CPNE4: variants seen among roughly 807,000 people sequenced by gnomAD.
CPNE4 encodes the protein copine 4.
In CPNE4, 25 loss-of-function variants were observed where a neutral mutation model predicts 67.9. That is an observed-to-expected ratio of 0.37 (90% CI 0.27 to 0.51). CPNE4 has a LOEUF of 0.51. Ranked by LOEUF, CPNE4 falls within the 20% of genes least tolerant of loss-of-function variation. CPNE4 has a pLI of 0.93. For synonymous variants in CPNE4, 242 were observed against 244.9 expected, an observed-to-expected ratio of 0.99 and a Z score of 0.11; for missense variants, 464 against 690.8, an observed-to-expected ratio of 0.67 and a Z score of 3.68.
chr3:131,848,912 T>G (rs1293117051), intron 2 of CPNE4, among the ~76,000 whole-genome samples: 3 of 145,442 alleles, frequency 2.1e-5, no homozygotes, highest in Non-Finnish European at 4.5e-5. Flanking sequence ...AGAAGGCGTT[T>G]TTTTTTCATC....
intron 2 of CPNE4, among the ~76,000 whole-genome samples, chr3:131,835,784 C>A (rs562470744): frequency 6.6e-6 from 1 of 152,196 alleles, no homozygotes; most frequent in South Asian, 2.1e-4. Context: ...TGAGGTGGCA[C>A]ATGTCAATGA....
chr3:131,945,666 C>T (rs1228009626), intron 1 of CPNE4, among the ~76,000 whole-genome samples: 1 of 152,102 alleles, frequency 6.6e-6, no homozygotes, highest in African/African-American at 2.4e-5. Context: ...CTCTTTCTAC[C>T]TACTCTGTTC....
intron 2 of CPNE4, among the ~76,000 whole-genome samples, chr3:131,797,080 G>A (rs1464450991): frequency 6.6e-6 from 1 of 152,080 alleles, no homozygotes; most frequent in Admixed American, 6.6e-5. Flanking sequence ...AGGTCACAGT[G>A]GCTTTGATAT....
intron 12 of CPNE4, among the ~76,000 whole-genome samples, chr3:131,553,319 G>A (rs969159157): frequency 2.0e-5 from 3 of 152,070 alleles, no homozygotes; most frequent in Non-Finnish European, 2.9e-5. Flanking sequence ...GAGGTGATCG[G>A]TGATGCTCTC....
At chr3:132,004,031 C>A (rs2073524685) in intron 1 of CPNE4, among the ~76,000 whole-genome samples, 3 of 152,012 alleles carry the variant, frequency 2.0e-5, no homozygotes, top group Non-Finnish European at 4.4e-5. Context: ...TGGTCTCCTC[C>A]TCTCTGAATG....
At chr3:131,938,642 G>C (rs373774582) in intron 1 of CPNE4, among the ~76,000 whole-genome samples, 1 of 151,970 alleles carries the variant, frequency 6.6e-6, no homozygotes, top group Non-Finnish European at 1.5e-5. Context: ...GAGAGAGAAG[G>C]GGGAAACTGC....
chr3:131,837,097 GAAC>G (rs1286514341), intron 2 of CPNE4, among the ~76,000 whole-genome samples: 3 of 152,140 alleles, frequency 2.0e-5, no homozygotes, highest in African/African-American at 7.2e-5. Flanking sequence ...TGAGATAGCA[GAAC>G]AACTTGATCT....
At chr3:131,889,872 G>A (rs1444953254) in intron 2 of CPNE4, among the ~76,000 whole-genome samples, 3 of 152,126 alleles carry the variant, frequency 2.0e-5, no homozygotes, top group African/African-American at 7.2e-5. Context: ...ATGGTATTGG[G>A]AAAGCCAGAT....
intron 1 of CPNE4, among the ~76,000 whole-genome samples, chr3:132,010,020 C>T (rs1361495124): frequency 4.6e-5 from 7 of 152,308 alleles, no homozygotes; most frequent in East Asian, 1.9e-4. Context: ...TTGCCTGCAG[C>T]CTCATTGCAC....
At position 131,913,154 on chromosome 3, in the gene CPNE4, C is replaced by T. The variant is rs191661440; in HGVS notation, c.-1-7710G>A. Among the ~76,000 whole-genome samples, 19 of 152,086 alleles carry T rather than the reference C, an allele frequency of 1.2e-4. No homozygotes were observed. The East Asian group carries it at 2.5e-3, about 20-fold the overall frequency. ...CCCCCACTCCATCAGGAATGTCAGG[C>T]GACCATCAGGTGATGGTCAGGCAGT... On this transcript the variant is annotated intron_variant, in intron 1 of 15. Transcript: ENST00000429747.
chr3:131,723,635 GA>G lies in CPNE4; in HGVS notation c.181-11del, dbSNP rs1429138144. On this transcript the variant is annotated splice_polypyrimidine_tract_variant and intron_variant, in intron 2 of 15. Transcript: ENST00000429747. ...CCTCAGTCCTGTCAACCTGCAAGGA[GA>G]AAGAGAAAACCTATCAGAGATAAGG... The G allele has an allele frequency of 1.9e-6, 3 of 1,606,850 alleles. No individual in the cohort carries two copies. In the Admixed American group the frequency reaches 5.0e-5, roughly 27 times the overall value.
chr3:131,583,407 T>G (rs1201712074), intron 8 of CPNE4, among the ~76,000 whole-genome samples: 1 of 152,126 alleles, frequency 6.6e-6, no homozygotes, highest in Non-Finnish European at 1.5e-5. Flanking sequence ...CCTCTAATAT[T>G]TCAGTAAAAC....
intron 15 of CPNE4, among the ~76,000 whole-genome samples, chr3:131,536,986 T>C (rs1371182373): frequency 1.3e-5 from 2 of 152,172 alleles, no homozygotes; most frequent in Non-Finnish European, 2.9e-5. Flanking sequence ...GGGAGGTTTT[T>C]TGGAAAGCTT....
At chr3:131,923,837 T>C (rs1016116930) in intron 1 of CPNE4, among the ~76,000 whole-genome samples, 1 of 150,762 alleles carries the variant, frequency 6.6e-6, no homozygotes, top group African/African-American at 2.4e-5. Flanking sequence ...AGGCCCTAAG[T>C]AAAATGACTC....
Position 131,548,571 on chromosome 3 carries a change from A to C in CPNE4, c.1302+1376T>G, listed in dbSNP as rs564108723. On this transcript the variant is annotated intron_variant, in intron 14 of 15. Coordinates refer to ENST00000429747, the MANE Select transcript of CPNE4 (RefSeq NM_130808.3). ...AGAAGAGATGTTAACACAGTCAGAG[A>C]ATGGATCATATGGAGGTTTGGGTGA... Among the ~76,000 whole-genome samples, 3 of 152,182 alleles carry C rather than the reference A, an allele frequency of 2.0e-5. No individual in the cohort carries two copies. In the South Asian group the frequency reaches 6.2e-4, roughly 32 times the overall value.
intron 3 of CPNE4, among the ~76,000 whole-genome samples, chr3:131,707,522 GC>G (rs1475359436): frequency 6.6e-6 from 1 of 152,106 alleles, no homozygotes; most frequent in Non-Finnish European, 1.5e-5. Flanking sequence ...ATTTTTGGGG[GC>G]CACTGTTTAG....
At chr3:131,542,897 C>G (rs1257731897) in intron 14 of CPNE4, 104 bp from the exon 15 acceptor site, 6 of 745,264 alleles carry the variant, frequency 8.1e-6, no homozygotes, top group Non-Finnish European at 1.4e-5. Flanking sequence ...TGCACATTGA[C>G]CAAAGCAACA....
chr3:131,697,229 T>C (rs979185767), intron 4 of CPNE4, among the ~76,000 whole-genome samples: 4 of 152,154 alleles, frequency 2.6e-5, no homozygotes, highest in Non-Finnish European at 5.9e-5. Flanking sequence ...CATTTTCCAA[T>C]ACTTAATAGT....
At chr3:131,596,031 T>C (rs1938823478) in intron 7 of CPNE4, among the ~76,000 whole-genome samples, 1 of 152,198 alleles carries the variant, frequency 6.6e-6, no homozygotes, top group Non-Finnish European at 1.5e-5. Flanking sequence ...TTTAGTCATG[T>C]TAGATGAATA....
Sources: gnomAD v4.1 joint callset for allele counts (sites outside exome capture counted in the v4.1 genomes callset) on GRCh38, gnomAD v4.1.1 for gene constraint, MANE v1.5 for transcripts, NCBI Gene and HGNC (gene_info 2026-07-23, HGNC 2026-07-21) for gene names.